NME7: variants seen among roughly 807,000 people sequenced by gnomAD.
The protein encoded by NME7 is NME/NM23 family member 7, also known as nucleoside diphosphate kinase 7.
Under a neutral mutation model 49.1 loss-of-function variants are expected in NME7, and 41 were observed. The ratio of observed to expected loss-of-function variants is 0.83; its 90% CI spans 0.65 to 1.08. NME7 has a LOEUF of 1.08. Among genes scored for constraint, NME7 ranks in the 50% least tolerant of loss-of-function variants. The probability of loss-of-function intolerance (pLI) is 0.00; values close to 1 mark genes in which losing one functional copy is unlikely to be tolerated. For missense variants in NME7, 423 were observed against 463.4 expected (o/e 0.91, Z 0.80); for synonymous variants, 139 against 150.6 (o/e 0.92, Z 0.56).
At chr1:169,146,892 T>C (rs1345394826) in intron 11 of NME7, among the ~76,000 whole-genome samples, 1 of 152,232 alleles carries the variant, frequency 6.6e-6, no homozygotes, top group Non-Finnish European at 1.5e-5. Flanking sequence ...GAGGAGAAAG[T>C]ACTTGTGATT....
At chr1:169,177,933 T>C (rs1571266818) in intron 10 of NME7, among the ~76,000 whole-genome samples, 1 of 151,992 alleles carries the variant, frequency 6.6e-6, no homozygotes, top group African/African-American at 2.4e-5. Context: ...GCCTCCCAGG[T>C]TCACACCATT....
intron 9 of NME7, among the ~76,000 whole-genome samples, chr1:169,231,117 T>C (rs1647594775): frequency 6.6e-6 from 1 of 152,320 alleles, no homozygotes; most frequent in East Asian, 1.9e-4. Flanking sequence ...TTGAATACAA[T>C]GTTGTTGAAT....
At chr1:169,162,680 CA>C (rs200721559) in intron 11 of NME7, among the ~76,000 whole-genome samples, 7 of 149,398 alleles carry the variant, frequency 4.7e-5, no homozygotes, top group Non-Finnish European at 6.0e-5. Context: ...CCCATCTTTA[CA>C]AAAAAAAAAT....
chr1:169,265,792 T>G (rs899040891), intron 7 of NME7, among the ~76,000 whole-genome samples: 1 of 130,922 alleles, frequency 7.6e-6, no homozygotes, highest in African/African-American at 2.6e-5. Context: ...ACATTACCAC[T>G]GACCCCACAG....
chr1:169,286,620 A>G (rs1389558997), intron 7 of NME7: 1 of 152,146 alleles, frequency 6.6e-6, no homozygotes, highest in Non-Finnish European at 1.5e-5. Context: ...CAAAGAACTG[A>G]AGGAAATTTC....
chr1:169,163,787 CT>C (rs151086441), intron 11 of NME7, among the ~76,000 whole-genome samples: 2,227 of 152,196 alleles, frequency 0.015, 59 homozygotes, highest in African/African-American at 0.05. Flanking sequence ...GTACCTGCAA[CT>C]TTTCTAAAAG....
At chr1:169,255,519 T>C (rs1648888865) in intron 7 of NME7, among the ~76,000 whole-genome samples, 1 of 125,094 alleles carries the variant, frequency 8.0e-6, no homozygotes, top group African/African-American at 2.8e-5. Flanking sequence ...CTTTATCCAA[T>C]TTGCCAGTCT....
At chr1:169,273,703 C>T (rs578134708) in intron 7 of NME7, among the ~76,000 whole-genome samples, 1,975 of 125,522 alleles carry the variant, frequency 0.016, 89 homozygotes, top group African/African-American at 0.05. Flanking sequence ...TGAGTGAGAA[C>T]ATGCGGTGTT....
intron 1 of NME7, among the ~76,000 whole-genome samples, chr1:169,354,099 A>G (rs950900526): frequency 9.9e-5 from 15 of 152,260 alleles, no homozygotes; most frequent in African/African-American, 3.4e-4. Context: ...CTGCACTCCC[A>G]TGTTTATTGC....
In NME7 at chr1:169,335,213, T is replaced by G. The variant is rs147009687; in HGVS notation, c.4-10713A>C. 8.8e-3 allele frequency among the ~76,000 whole-genome samples: 1,347 copies of G among 152,278 alleles called. 20 individuals carry two copies. Among genetic ancestry groups the G allele is most frequent in the African/African-American group, 0.031 (1,285 of 41,554 alleles). ...CCCAGTAATCCCATTACTGGGTATA[T>G]ACCCAAAGGAATATAAATTATTCTA... On this transcript the variant is annotated intron_variant, in intron 1 of 11. Coordinates refer to ENST00000367811, the MANE Select transcript of NME7 (RefSeq NM_013330.5).
intron 1 of NME7, among the ~76,000 whole-genome samples, chr1:169,340,427 T>C (rs1652644071): frequency 6.6e-6 from 1 of 152,208 alleles, no homozygotes; most frequent in Non-Finnish European, 1.5e-5. Flanking sequence ...CTTCAAAAAT[T>C]ACCCAGTTTC....
At chr1:169,132,872 C>T (rs1472440137) in intron 11 of NME7, 55 bp from the exon 12 acceptor site, 27 of 1,485,720 alleles carry the variant, frequency 1.8e-5, no homozygotes, top group Admixed American at 1.2e-4. Flanking sequence ...GTCTTTTCCA[C>T]TTAACAGAGT....
chr1:169,354,225 G>A lies in NME7; in HGVS notation c.3+13483C>T, dbSNP rs563770764. On this transcript the variant is annotated intron_variant, in intron 1 of 11. Coordinates refer to ENST00000367811, the MANE Select transcript of NME7 (RefSeq NM_013330.5). ...GTACTATCCAGCCATAAAAAAATGT[G>A]ATTCTGTCATTTGCAAAAACATAAT... Among the ~76,000 whole-genome samples, 8 of 152,200 alleles carry A rather than the reference G, an allele frequency of 5.3e-5. No homozygotes were observed. In the South Asian group the frequency reaches 1.7e-3, roughly 32 times the overall value.
chr1:169,246,084 A>G (rs911137846), intron 7 of NME7, among the ~76,000 whole-genome samples: 24 of 152,254 alleles, frequency 1.6e-4, no homozygotes, highest in African/African-American at 5.5e-4. Flanking sequence ...AATTGCAGAC[A>G]AGAGTCTGGA....
rs575431533 is a variant in NME7 at position 169,358,797 on chromosome 1, C to A, written c.3+8911G>T. 8.5e-5 allele frequency among the ~76,000 whole-genome samples: 13 copies of A among 152,092 alleles called. No individual in the cohort carries two copies. In the East Asian group the frequency reaches 2.5e-3, roughly 29 times the overall value. ...GTTTAGAGTTTAGAAGAAACAGGCA[C>A]CATGGTATACTGCTAGCAGAGTATT... On this transcript the variant is annotated intron_variant, in intron 1 of 11. Transcript: ENST00000367811.
intron 3 of NME7, among the ~76,000 whole-genome samples, chr1:169,317,922 G>T (rs7533257): frequency 0.63 from 96,335 of 152,040 alleles, 30,821 homozygotes; most frequent in East Asian, 0.92. Flanking sequence ...TTTGTGGCCC[G>T]ACCTCTTTTT....
At chr1:169,269,674 C>T (rs1479573290) in intron 7 of NME7, among the ~76,000 whole-genome samples, 1 of 133,126 alleles carries the variant, frequency 7.5e-6, no homozygotes, top group Non-Finnish European at 1.8e-5. Flanking sequence ...AACCCAATTT[C>T]TAAAAGTGAG....
intron 10 of NME7, among the ~76,000 whole-genome samples, chr1:169,218,496 G>A (rs1372565817): frequency 2.6e-5 from 4 of 152,014 alleles, no homozygotes; most frequent in African/African-American, 4.8e-5. Context: ...TGAGATGGGA[G>A]GATTGCTTGA....
intron 10 of NME7, among the ~76,000 whole-genome samples, chr1:169,221,796 C>T (rs906124230): frequency 6.6e-6 from 1 of 151,978 alleles, no homozygotes; most frequent in Non-Finnish European, 1.5e-5. Context: ...GCGATCATGG[C>T]TCACTGCAGC....
Sources: allele counts gnomAD v4.1 joint callset (sites outside exome capture counted in the v4.1 genomes callset), GRCh38; gene constraint gnomAD v4.1.1; transcripts MANE v1.5; gene names NCBI Gene and HGNC (gene_info 2026-07-23, HGNC 2026-07-21).